The following JAK1 variants were observed in gnomAD, a reference collection of about 807,000 sequenced individuals.
JAK1 encodes tyrosine-protein kinase JAK1.
JAK1 carries 16 observed loss-of-function variants against 136.6 expected under a neutral mutation model. The ratio of observed to expected loss-of-function variants is 0.12; its 90% CI spans 0.08 to 0.18. The LOEUF (loss-of-function observed/expected upper bound fraction) is 0.18, where lower values mean the gene tolerates loss of function less well. JAK1 is among the 10% of genes least tolerant of loss of function. The pLI, the probability that JAK1 is intolerant of heterozygous loss-of-function variation, is 1.00. For missense variants in JAK1, 859 were observed against 1,450.1 expected (o/e 0.59, Z 6.62); for synonymous variants, 492 against 519.5 (o/e 0.95, Z 0.72).
chr1:64,956,947 C>T (rs1646198304), intron 1 of JAK1, among the ~76,000 whole-genome samples: 1 of 152,092 alleles, frequency 6.6e-6, no homozygotes, highest in South Asian at 2.1e-4. Flanking sequence ...GTCTCAGAAG[C>T]CAGGCACCAG....
chr1:65,008,815 A>G (rs1646824890), intron 2 of JAK1, among the ~76,000 whole-genome samples: 1 of 152,098 alleles, frequency 6.6e-6, no homozygotes, highest in Admixed American at 6.6e-5. Context: ...CAGCCTCTCA[A>G]GTAGCTGGGG....
At chr1:65,042,872 C>CTGAG (rs1363904282) in intron 2 of JAK1, among the ~76,000 whole-genome samples, 56 of 152,284 alleles carry the variant, frequency 3.7e-4, no homozygotes, top group South Asian at 1.4e-3. Context: ...AGGCAAGCTC[C>CTGAG]GGCTTCAGTT....
At chr1:64,860,294 A>ATCAT (rs1422879084) in intron 8 of JAK1, 32 bp from the exon 9 acceptor site, 1 of 1,569,244 alleles carries the variant, frequency 6.4e-7, no homozygotes, top group African/African-American at 1.4e-5. Flanking sequence ...CCACGGTTAC[A>ATCAT]TCATGTCTCT....
rs139634428 is a variant in JAK1, at chr1:64,854,824, C to T, written c.1648+685G>A. Among the ~76,000 whole-genome samples, 11 of 152,228 alleles carry T rather than the reference C, an allele frequency of 7.2e-5. No homozygotes were observed. In the East Asian group the frequency reaches 2.1e-3, roughly 29 times the overall value. ...CTCCCTTCCACCTTCACCTTCCTTC[C>T]ACCTTCACCTTCATGGCAGCCCCCG... On this transcript the variant is annotated intron_variant, in intron 11 of 24. Coordinates refer to ENST00000342505, the MANE Select transcript of JAK1 (RefSeq NM_002227.4).
intron 14 of JAK1, 88 bp downstream of exon 14, chr1:64,846,561 C>T (rs897090760): frequency 2.4e-5 from 22 of 926,380 alleles, no homozygotes; most frequent in African/African-American, 1.6e-4. Context: ...GCCTGGGCAA[C>T]GTGAGGGTGG....
chr1:64,867,163 C>T lies in JAK1; in HGVS notation c.693G>A (p.Gln231=), dbSNP rs776126636. 6.2e-7 allele frequency: 1 copy of T among 1,610,434 alleles called. No individual in the cohort carries two copies. The highest frequency in any genetic ancestry group is 1.1e-5 in the South Asian group (1 of 91,052). ...IPETLNKSIR[Q]RNLLTRMRIN... ...TCCGCATCCTGGTGAGAAGGTTCCT[C>T]TGTCTGATGGACTTATTCAATGTTT... The change falls in exon 7 of 25, where the codon CAG becomes CAA. Residue 231 remains glutamine (Q), a synonymous_variant. Coordinates refer to ENST00000342505, the MANE Select transcript of JAK1 (RefSeq NM_002227.4).
At chr1:65,005,139 T>C (rs568327121) in intron 2 of JAK1, among the ~76,000 whole-genome samples, 1 of 152,202 alleles carries the variant, frequency 6.6e-6, no homozygotes, top group African/African-American at 2.4e-5. Context: ...AAACGAAAAC[T>C]GTAAGACCAG....
chr1:65,064,471 T>C (rs1647954825), intron 1 of JAK1, among the ~76,000 whole-genome samples: 1 of 152,230 alleles, frequency 6.6e-6, no homozygotes, highest in African/African-American at 2.4e-5. Flanking sequence ...AATCTTTAAG[T>C]TGTCAACACT....
chr1:64,864,544 G>C (rs1570663764), intron 8 of JAK1, among the ~76,000 whole-genome samples: 1 of 152,330 alleles, frequency 6.6e-6, no homozygotes, highest in Non-Finnish European at 1.5e-5. Flanking sequence ...AGGTGTATTT[G>C]GGAGGGAAGC....
At chr1:64,942,224 T>A (rs542254281) in intron 1 of JAK1, 6 of 152,278 alleles carry the variant, frequency 3.9e-5, no homozygotes, top group African/African-American at 1.2e-4. Context: ...GATATACATA[T>A]ACTTCGTGTG....
Position 65,002,178 on chromosome 1 carries a change from T to C in JAK1, c.-78+42302A>G, listed in dbSNP as rs150542167. On this transcript the variant is annotated intron_variant, in intron 2 of 25. Transcript: ENST00000671954. ...GTATATACGTATGTTTGTGTGTATATACGTATGTGTATATATGCACATATA... is the reference window on the plus strand; with the variant it reads ...GTATATACGTATGTTTGTGTGTATACACGTATGTGTATATATGCACATATA... Among the ~76,000 whole-genome samples, 473 of 152,340 alleles carry C rather than the reference T, an allele frequency of 3.1e-3. 3 individuals carry two copies. Among genetic ancestry groups the C allele is most frequent in the Non-Finnish European group, 4.0e-3 (275 of 68,032 alleles).
chr1:64,929,786 A>G (rs1185775677), intron 1 of JAK1, among the ~76,000 whole-genome samples: 1 of 152,216 alleles, frequency 6.6e-6, no homozygotes, highest in Non-Finnish European at 1.5e-5. Flanking sequence ...AAACTATACT[A>G]CAAGGCTACA....
At chr1:64,887,568 G>A (rs1380563911) in intron 1 of JAK1, among the ~76,000 whole-genome samples, 2 of 152,208 alleles carry the variant, frequency 1.3e-5, no homozygotes, top group Admixed American at 6.5e-5. Context: ...TACGGTCCCT[G>A]CCTACGTGGA....
chr1:64,883,629 A>G (rs1644809720), intron 2 of JAK1, among the ~76,000 whole-genome samples, 154 bp from the exon 3 acceptor site: 1 of 152,094 alleles, frequency 6.6e-6, no homozygotes, highest in Non-Finnish European at 1.5e-5. Context: ...TGGAAACCAA[A>G]CATGTCAGAT....
intron 1 of JAK1, among the ~76,000 whole-genome samples, chr1:65,065,787 G>A (rs1569983890): frequency 1.3e-5 from 2 of 151,034 alleles, no homozygotes; most frequent in Non-Finnish European, 2.9e-5. Flanking sequence ...AAGCTTAAGG[G>A]GAAAATAAAG....
chr1:65,040,738 C>A (rs1476115727), intron 2 of JAK1, among the ~76,000 whole-genome samples: 1 of 152,076 alleles, frequency 6.6e-6, no homozygotes, highest in African/African-American at 2.4e-5. Context: ...TGTATTCATT[C>A]AACAAACATT....
intron 1 of JAK1, among the ~76,000 whole-genome samples, chr1:65,052,290 T>C (rs1266517400): frequency 6.6e-6 from 1 of 151,744 alleles, no homozygotes; most frequent in Non-Finnish European, 1.5e-5. Context: ...CTTACACTCA[T>C]CATGTCTTAA....
At chr1:65,062,044 GA>G (rs955425931) in intron 1 of JAK1, among the ~76,000 whole-genome samples, 5 of 149,226 alleles carry the variant, frequency 3.4e-5, no homozygotes, top group South Asian at 2.1e-4. Context: ...CCATGTGGAC[GA>G]AAAAAAAACC....
rs762224173 is a variant in JAK1 at position 64,860,272 on chromosome 1, G to C, written c.1177-10C>G. On this transcript the variant is annotated splice_polypyrimidine_tract_variant and intron_variant, in intron 8 of 24. Coordinates refer to ENST00000342505, the MANE Select transcript of JAK1 (RefSeq NM_002227.4). ...AAGAGAGCTTCAGTTCCTGTTGAGA[G>C]AGAAGAAATTCCCACGGTTACATCA... is the stretch of plus-strand genomic sequence containing the variant. The C allele has an allele frequency of 8.1e-6, 13 of 1,597,364 alleles. No homozygotes were observed. Among genetic ancestry groups the C allele is most frequent in the Non-Finnish European group, 1.0e-5 (12 of 1,170,122 alleles).
Sources: allele counts gnomAD v4.1 joint callset (sites outside exome capture counted in the v4.1 genomes callset), GRCh38; gene constraint gnomAD v4.1.1; transcripts MANE v1.5; gene names NCBI Gene and HGNC (gene_info 2026-07-23, HGNC 2026-07-21).